Variants in DAPK1 observed in about 807,000 individuals in gnomAD.
The protein encoded by DAPK1 is death-associated protein kinase 1.
DAPK1 carries 56 observed loss-of-function variants against 144.9 expected under a neutral mutation model. The observed-to-expected ratio is 0.39, with a 90% CI of 0.31 to 0.48. DAPK1 has a LOEUF of 0.48. Among genes scored for constraint, DAPK1 ranks in the 20% least tolerant of loss-of-function variants. DAPK1 has a pLI of 0.95. For missense variants in DAPK1, 1,454 were observed against 1,875.4 expected (o/e 0.78, Z 4.15); for synonymous variants, 690 against 749.0 (o/e 0.92, Z 1.29).
In DAPK1 at chr9:87,649,907, G is replaced by A. The variant is rs369502489; in HGVS notation, c.1429-14G>A. 33 of 1,613,140 alleles carry A rather than the reference G, an allele frequency of 2.0e-5. No homozygotes were observed. The highest frequency in any genetic ancestry group is 4.0e-5 in the African/African-American group (3 of 74,822). Reference sequence around the variant, plus strand: ...TTGTGTTCTCCTCCTCTCTGTACTCGTCTCCTTGGCCAGGAAGAAGAAACC... The same window carrying A: ...TTGTGTTCTCCTCCTCTCTGTACTCATCTCCTTGGCCAGGAAGAAGAAACC... On this transcript the variant is annotated splice_polypyrimidine_tract_variant and intron_variant, in intron 15 of 25. Coordinates refer to ENST00000408954, the MANE Select transcript of DAPK1 (RefSeq NM_004938.4).
intron 3 of DAPK1, among the ~76,000 whole-genome samples, chr9:87,635,727 A>G (rs1829871877): frequency 6.6e-6 from 1 of 152,238 alleles, no homozygotes; most frequent in Admixed American, 6.5e-5. Flanking sequence ...CTTCAAGGGA[A>G]GAGGTCTTAT....
intron 2 of DAPK1, among the ~76,000 whole-genome samples, chr9:87,577,466 G>A (rs879855642): frequency 2.6e-5 from 4 of 152,114 alleles, no homozygotes; most frequent in Non-Finnish European, 5.9e-5. Flanking sequence ...GATTTAATGA[G>A]TCTGGGGCAG....
chr9:87,580,881 G>C (rs1275260427), intron 2 of DAPK1, among the ~76,000 whole-genome samples: 1 of 152,148 alleles, frequency 6.6e-6, no homozygotes, highest in Non-Finnish European at 1.5e-5. Context: ...TCAGCATGTG[G>C]GGACACTTAA....
chr9:87,627,593 A>G (rs36209736), intron 3 of DAPK1, among the ~76,000 whole-genome samples: 299 of 152,098 alleles, frequency 2.0e-3, no homozygotes, highest in Non-Finnish European at 3.7e-3. Flanking sequence ...CCCCTCTCCC[A>G]TGTAGCCATG....
rs533924629 is a variant in DAPK1 at position 87,501,978 on chromosome 9, G to C, written c.62+2839G>C. 5.3e-5 allele frequency among the ~76,000 whole-genome samples: 8 copies of C among 152,258 alleles called. No individual in the cohort carries two copies. The South Asian group carries it at 1.7e-3, about 32-fold the overall frequency. ...GAGGTTTAGTGCTTTTTTCATTGCT[G>C]TTGTAAAAATAATCTAACTTGTAAA... On this transcript the variant is annotated intron_variant, in intron 2 of 25. Transcript: ENST00000408954.
rs748171290 is a variant in DAPK1 at position 87,605,191 on chromosome 9, G to T, written c.284+16G>T. The T allele has an allele frequency of 1.9e-6, 3 of 1,603,778 alleles. No individual in the cohort carries two copies. The South Asian group carries it at 3.3e-5, about 18-fold the overall frequency. On this transcript the variant is annotated intron_variant, in intron 3 of 25. Transcript: ENST00000408954. Reference sequence around the variant, plus strand: ...TCTTGGAACTGTGAGTGCCGCCTGGGCCAGGCTGGGGAGAGGGTGTGGTGG... The same window carrying T: ...TCTTGGAACTGTGAGTGCCGCCTGGTCCAGGCTGGGGAGAGGGTGTGGTGG...
chr9:87,598,914 T>C (rs1181005525), intron 2 of DAPK1, among the ~76,000 whole-genome samples: 1 of 152,258 alleles, frequency 6.6e-6, no homozygotes, highest in Non-Finnish European at 1.5e-5. Context: ...GTTGTACTTT[T>C]ATTGCATGGC....
Position 87,681,590 on chromosome 9 carries a change from A to T in DAPK1, c.2188A>T (p.Arg730Trp), listed in dbSNP as rs747710400. The change falls in exon 20 of 26, where the codon AGG becomes TGG. Residue 730 changes from arginine (R) to tryptophan (W), a missense_variant. Physicochemically the swap from Arg to Trp is moderately radical, Grantham distance 101. Around this residue, in one of 2 missense-constraint regions of DAPK1, gnomAD observed 1,025 missense variants for 1,237.9 expected, o/e 0.83. Transcript: ENST00000408954. Reference sequence around the variant, plus strand: ...CAGACTGTCTTCCACCAACTCCAGCAGGTTCCCACCTTCACCCCTGGCTTC... The same window carrying T: ...CAGACTGTCTTCCACCAACTCCAGCTGGTTCCCACCTTCACCCCTGGCTTC... ...RPRLSSTNSS[R>W]FPPSPLASKP... is the part of the protein sequence containing the mutation. 1.9e-6 allele frequency: 3 copies of T among 1,609,516 alleles called. No homozygotes were observed. In the South Asian group the frequency reaches 3.3e-5, roughly 18 times the overall value.
At chr9:87,641,585 G>T (rs1374477049) in intron 9 of DAPK1, among the ~76,000 whole-genome samples, 1 of 152,152 alleles carries the variant, frequency 6.6e-6, no homozygotes, top group Non-Finnish European at 1.5e-5. Flanking sequence ...GAATTCTCCT[G>T]CTATAGGCCA....
intron 18 of DAPK1, among the ~76,000 whole-genome samples, chr9:87,665,658 G>A (rs947374831): frequency 3.9e-5 from 6 of 152,178 alleles, no homozygotes; most frequent in Non-Finnish European, 5.9e-5. Flanking sequence ...TGAAGGGCAG[G>A]CTCCTAAAAC....
At chr9:87,508,607 G>T (rs1320776099) in intron 2 of DAPK1, among the ~76,000 whole-genome samples, 3 of 152,130 alleles carry the variant, frequency 2.0e-5, no homozygotes. Context: ...CTCCCAAAGT[G>T]CTGGGATTAC....
At chr9:87,593,897 G>A (rs1006015348) in intron 2 of DAPK1, among the ~76,000 whole-genome samples, 4 of 152,178 alleles carry the variant, frequency 2.6e-5, no homozygotes, top group Non-Finnish European at 5.9e-5. Flanking sequence ...CAATAGAATG[G>A]TGAAGTCAAA....
intron 21 of DAPK1, among the ~76,000 whole-genome samples, chr9:87,696,184 T>C (rs1021116589): frequency 2.3e-5 from 3 of 132,416 alleles, no homozygotes; most frequent in Admixed American, 1.5e-4. Context: ...CACACACACA[T>C]TTCCATGTAA....
At chr9:87,500,422 A>C (rs1824348192) in intron 2 of DAPK1, among the ~76,000 whole-genome samples, 1 of 152,176 alleles carries the variant, frequency 6.6e-6, no homozygotes, top group Non-Finnish European at 1.5e-5. Flanking sequence ...AACTGGAATT[A>C]AATAACTTTA....
In DAPK1 at chr9:87,505,478, C is replaced by G. The variant is rs138400661; in HGVS notation, c.62+6339C>G. 4.6e-3 allele frequency among the ~76,000 whole-genome samples: 695 copies of G among 152,246 alleles called. 4 individuals are homozygous for G. Among genetic ancestry groups the G allele is most frequent in the African/African-American group, 0.014 (601 of 41,538 alleles). On this transcript the variant is annotated intron_variant, in intron 2 of 25. Transcript: ENST00000408954. ...TGGCGTGATCTCGGCTCACTGCAAC[C>G]TCCGCCCTCTGGGTTCAAGTGATTC...
chr9:87,691,627 G>A (rs1825055953), intron 21 of DAPK1, among the ~76,000 whole-genome samples: 1 of 151,716 alleles, frequency 6.6e-6, no homozygotes, highest in African/African-American at 2.4e-5. Context: ...GGTGTTTATT[G>A]TTATAAACTT....
At chr9:87,629,021 T>A (rs1829573990) in intron 3 of DAPK1, among the ~76,000 whole-genome samples, 2 of 152,210 alleles carry the variant, frequency 1.3e-5, no homozygotes, top group Admixed American at 1.3e-4. Flanking sequence ...TGGGTTGGAT[T>A]GGATACTCCC....
At chr9:87,610,745 C>T (rs1298042717) in intron 3 of DAPK1, among the ~76,000 whole-genome samples, 1 of 152,238 alleles carries the variant, frequency 6.6e-6, no homozygotes, top group Non-Finnish European at 1.5e-5. Flanking sequence ...TGAGGCCCCA[C>T]CCCGAAGGGA....
chr9:87,707,590 T>C lies in DAPK1; in HGVS notation c.*226T>C, dbSNP rs141937394. ...GCAGTTTAAGAGCAGAACAGATCTT[T>C]TACTTTGGCCGCTTGAAAAGCTAGT... On this transcript the variant is annotated 3_prime_UTR_variant, in exon 26 of 26. Transcript: ENST00000408954. This position sits in a 1 kb window ranked among gnomAD's most constrained non-coding sequence, Gnocchi z 4.0. 2,347 of 572,432 alleles carry C rather than the reference T, an allele frequency of 4.1e-3. 7 individuals carry two copies. Among genetic ancestry groups the C allele is most frequent in the Non-Finnish European group, 5.8e-3 (1,876 of 322,576 alleles). The allele number at this position is 572,432 out of a possible 1,614,324, so 35.5% of individuals were successfully genotyped here. A position where few individuals can be genotyped will look rare whatever the true frequency, so the allele number is the denominator to read the frequency against.
Sources: allele counts gnomAD v4.1 joint callset (sites outside exome capture counted in the v4.1 genomes callset), GRCh38; gene constraint gnomAD v4.1.1; regional missense constraint gnomAD v4.1.1; non-coding constraint Gnocchi (gnomAD v3.1); transcripts MANE v1.5; gene names NCBI Gene and HGNC (gene_info 2026-07-23, HGNC 2026-07-21).